Variants in RYK observed in about 807,000 individuals in gnomAD.
RYK encodes the protein receptor like tyrosine kinase, also known as inactive tyrosine-protein kinase RYK.
A neutral mutation model predicts 70.2 loss-of-function variants in RYK; 21 were observed. That is an observed-to-expected ratio of 0.30 (90% confidence interval 0.21 to 0.43). The LOEUF is 0.43. RYK is among the 20% of genes least tolerant of loss of function. RYK has a pLI of 1.00. For missense variants in RYK, 604 were observed against 753.3 expected, an observed-to-expected ratio of 0.80 and a Z score of 2.32; for synonymous variants, 267 against 278.0, an observed-to-expected ratio of 0.96 and a Z score of 0.39.
At chr3:134,229,577 A>G (rs2107689610) in intron 1 of RYK, among the ~76,000 whole-genome samples, 1 of 152,238 alleles carries the variant, frequency 6.6e-6, no homozygotes, top group East Asian at 1.9e-4. Flanking sequence ...CTGTCCCTCA[A>G]AAAACATTAA....
At chr3:134,166,225 C>T (rs935611126) in intron 13 of RYK, among the ~76,000 whole-genome samples, 2 of 152,068 alleles carry the variant, frequency 1.3e-5, no homozygotes, top group African/African-American at 2.4e-5. Context: ...GATTGGTACT[C>T]TTATAAAAGA....
intron 13 of RYK, among the ~76,000 whole-genome samples, chr3:134,160,158 T>C (rs1421725973): frequency 1.3e-5 from 2 of 152,200 alleles, no homozygotes; most frequent in African/African-American, 4.8e-5. Context: ...GATACCTGTG[T>C]ACTGTAGTAT....
At chr3:134,246,349 G>A (rs7429840) in intron 1 of RYK, among the ~76,000 whole-genome samples, 65 of 122,648 alleles carry the variant, frequency 5.3e-4, no homozygotes, top group Admixed American at 5.7e-4. Flanking sequence ...CACACAGAGA[G>A]AGAGAAAATA....
chr3:134,178,370 TC>T (rs1318882711), intron 10 of RYK: 1 of 218,792 alleles, frequency 4.6e-6, no homozygotes. Context: ...ATATCTTTAC[TC>T]CAAAGGGCAA....
intron 13 of RYK, among the ~76,000 whole-genome samples, chr3:134,168,103 T>C (rs925094456): frequency 8.5e-5 from 13 of 152,106 alleles, no homozygotes; most frequent in Non-Finnish European, 1.2e-4. Context: ...ATGGCAATCA[T>C]TAAAAAGTCA....
Position 134,159,290 on chromosome 3 carries a change from T to A in RYK, c.1659A>T (p.Ala553=). The change falls in exon 14 of 15, where the codon GCA becomes GCT. Residue 553 remains alanine, a synonymous_variant. Transcript: ENST00000623711. ...CTATTCGGTAACCATCTTTCAGGTA[T>A]GCGGCCATCTCGAAGGGGTCAATGT... The part of the protein sequence containing the change: ...YVDIDPFEMA[A]YLKDGYRIAQ... 1 of 1,613,938 alleles carries A rather than the reference T, an allele frequency of 6.2e-7. No homozygotes were observed. The highest frequency in any genetic ancestry group is 8.5e-7 in the Non-Finnish European group (1 of 1,179,864).
At chr3:134,216,792 CA>C (rs61441674) in intron 2 of RYK, among the ~76,000 whole-genome samples, 719 of 37,318 alleles carry the variant, frequency 0.019, no homozygotes, top group African/African-American at 0.051. Context: ...GACTCTGTCT[CA>C]AAAAAAAAAA....
At chr3:134,162,371 AC>A (rs1351927207) in intron 13 of RYK, among the ~76,000 whole-genome samples, 1 of 152,048 alleles carries the variant, frequency 6.6e-6, no homozygotes, top group East Asian at 1.9e-4. Context: ...AATACCAAAA[AC>A]AGGTGGTCAG....
intron 13 of RYK, among the ~76,000 whole-genome samples, chr3:134,167,386 A>G (rs1312855522): frequency 6.6e-6 from 1 of 152,218 alleles, no homozygotes; most frequent in Non-Finnish European, 1.5e-5. Context: ...TGGTACTGGT[A>G]CCAAAACAGA....
At chr3:134,197,451 A>G (rs1181320326) in intron 6 of RYK, among the ~76,000 whole-genome samples, 1 of 152,368 alleles carries the variant, frequency 6.6e-6, no homozygotes. Context: ...TGAAAAATAA[A>G]TAAGTAAAGC....
chr3:134,200,138 A>T (rs948337128), intron 6 of RYK, among the ~76,000 whole-genome samples: 2 of 152,038 alleles, frequency 1.3e-5, no homozygotes, highest in Non-Finnish European at 2.9e-5. Context: ...CAGCAGCGGC[A>T]ACCTGCTTGG....
intron 1 of RYK, among the ~76,000 whole-genome samples, chr3:134,236,938 G>A (rs1033283402): frequency 2.3e-4 from 35 of 152,146 alleles, no homozygotes; most frequent in Non-Finnish European, 1.3e-4. Context: ...CAGCTGTTCA[G>A]TTACATTAAC....
chr3:134,221,049 T>A (rs993797239), intron 2 of RYK, among the ~76,000 whole-genome samples: 8 of 152,084 alleles, frequency 5.3e-5, no homozygotes, highest in African/African-American at 1.9e-4. Context: ...TAAGTTATTC[T>A]GTAGGGGAAA....
chr3:134,180,820 A>T (rs1463786244), intron 10 of RYK: 2 of 152,244 alleles, frequency 1.3e-5, no homozygotes, highest in Non-Finnish European at 2.9e-5. Context: ...AGGAAGAACA[A>T]TTAAGCATAA....
chr3:134,199,757 T>C (rs976461086), intron 6 of RYK, among the ~76,000 whole-genome samples: 3 of 152,148 alleles, frequency 2.0e-5, no homozygotes, highest in Non-Finnish European at 4.4e-5. Context: ...AGAAGAACTT[T>C]GTCCATCACT....
At chr3:134,203,287 G>A (rs1269178037) in intron 5 of RYK, among the ~76,000 whole-genome samples, 2 of 152,220 alleles carry the variant, frequency 1.3e-5, no homozygotes, top group African/African-American at 2.4e-5. Flanking sequence ...GGCAGAGGTT[G>A]CAGTGAGCCG....
intron 13 of RYK, among the ~76,000 whole-genome samples, chr3:134,171,581 T>C (rs1405342188): frequency 2.0e-5 from 3 of 152,216 alleles, no homozygotes; most frequent in African/African-American, 7.2e-5. Context: ...AATTAAGTAA[T>C]ACAGGCTGGG....
intron 1 of RYK, among the ~76,000 whole-genome samples, chr3:134,231,304 G>A (rs1483856966): frequency 6.6e-6 from 1 of 151,982 alleles, no homozygotes. Context: ...CTGTCAAGGA[G>A]ACGGGTGGAT....
chr3:134,211,514 A>C lies in RYK; in HGVS notation c.448T>G (p.Leu150Val). The C allele has an allele frequency of 1.2e-6, 2 of 1,609,710 alleles. No homozygotes were observed. The highest frequency in any genetic ancestry group is 1.7e-6 in the Non-Finnish European group (2 of 1,177,120). Reference sequence around the variant, plus strand: ...TTTGAAGACTCTTACTTACCTGATAAAGTGCGTGGAACTTCCCCCTGAACA... The same window carrying C: ...TTTGAAGACTCTTACTTACCTGATACAGTGCGTGGAACTTCCCCCTGAACA... ...ISVQGEVPRT[L>V]SVFRVELSCT... Residue 150 changes from leucine (L) to valine (V), a missense_variant, in exon 3 of 15, where the codon TTA becomes GTA. Around this residue, in one of 2 missense-constraint regions of RYK, gnomAD observed 466 missense variants for 535.9 expected, o/e 0.87. Transcript: ENST00000623711.
Sources: allele counts gnomAD v4.1 joint callset (sites outside exome capture counted in the v4.1 genomes callset), GRCh38; gene constraint gnomAD v4.1.1; regional missense constraint gnomAD v4.1.1; transcripts MANE v1.5; gene names NCBI Gene and HGNC (gene_info 2026-07-23, HGNC 2026-07-21).